Variants in TMEM39B observed in about 807,000 individuals in gnomAD.
The protein encoded by TMEM39B is transmembrane protein 39B.
A neutral mutation model predicts 52.2 loss-of-function variants in TMEM39B; 23 were observed. The ratio of observed to expected loss-of-function variants is 0.44; its 90% CI spans 0.32 to 0.62. The LOEUF (loss-of-function observed/expected upper bound fraction) is 0.62, where lower values mean the gene tolerates loss of function less well. Among genes scored for constraint, TMEM39B ranks in the 20% least tolerant of loss-of-function variants. The pLI is 0.06. For synonymous variants in TMEM39B, 285 were observed against 264.0 expected, an observed-to-expected ratio of 1.08 and a Z score of -0.77; for missense variants, 547 against 642.0, an observed-to-expected ratio of 0.85 and a Z score of 1.60.
At chr1:32,102,381 G>C (rs781293298) in intron 8 of TMEM39B, 50 bp from the exon 9 acceptor site, 1 of 1,580,508 alleles carries the variant, frequency 6.3e-7, no homozygotes, top group Non-Finnish European at 8.6e-7. Context: ...CATCCAGGAG[G>C]AAGATTTCTG....
chr1:32,075,626 C>T lies in TMEM39B; in HGVS notation c.155C>T (p.Ser52Phe). ...AGGAGCAGTTCTGGAACAGGCCTCT[C>T]CAGCCCTCCTCTGGCCACCCAAACT... ...RTRSSSGTGL[S>F]SPPLATQTVV... The change falls in exon 3 of 9, where the codon TCC becomes TTC. Residue 52 changes from serine (S) to phenylalanine (F), a missense_variant. Physicochemically the swap from Ser to Phe is radical, Grantham distance 155. Coordinates refer to ENST00000336294, the MANE Select transcript of TMEM39B (RefSeq NM_018056.4). 1.3e-6 allele frequency: 2 copies of T among 1,551,526 alleles called. No homozygotes were observed. Among genetic ancestry groups the T allele is most frequent in the Non-Finnish European group, 1.7e-6 (2 of 1,147,006 alleles).
intron 5 of TMEM39B, 134 bp from the exon 6 acceptor site, chr1:32,091,541 A>G (rs1175480580): frequency 1.0e-6 from 1 of 954,138 alleles, no homozygotes; most frequent in African/African-American, 1.7e-5. Context: ...GATGGATGGA[A>G]GGACTGGTAA....
intron 3 of TMEM39B, 44 bp from the exon 4 acceptor site, chr1:32,076,719 G>A (rs1639876863): frequency 1.3e-6 from 2 of 1,599,684 alleles, no homozygotes; most frequent in African/African-American, 1.3e-5. Context: ...GCCTGCATAT[G>A]GGCAAGGGGC....
At chr1:32,072,315 C>T (rs1639680605), upstream of TMEM39B, 1 of 152,184 alleles carries the variant, frequency 6.6e-6, no homozygotes, top group South Asian at 2.1e-4. Flanking sequence ...CTCAGTTCTG[C>T]ATGCTCTATT....
chr1:32,072,844 C>T, upstream of TMEM39B: 1 of 583,452 alleles, frequency 1.7e-6, no homozygotes, highest in South Asian at 2.1e-5. Flanking sequence ...AGCGCGCAGG[C>T]ACCGCCTCCG....
At chr1:32,072,789 T>C (rs1420197435), upstream of TMEM39B, 7 of 538,332 alleles carry the variant, frequency 1.3e-5, no homozygotes, top group Non-Finnish European at 9.8e-6. Flanking sequence ...CTTGAGTCTC[T>C]TCACCAGCAG....
Position 32,102,465 on chromosome 1 carries a change from T to C in TMEM39B, c.1271T>C (p.Ile424Thr), listed in dbSNP as rs1641052941. ...AGCAAACCCCTGCGGATCCTCAACA[T>C]CCTCCTGCTGCTGGAGGGCGCTGTC... ...FFSKPLRILNILLLLEGAVIV... is the reference protein window; with the variant it reads ...FFSKPLRILNTLLLLEGAVIV... The change falls in exon 9 of 9, where the codon ATC becomes ACC. Residue 424 changes from isoleucine to threonine, a missense_variant. Coordinates refer to ENST00000336294, the MANE Select transcript of TMEM39B (RefSeq NM_018056.4). 6.2e-7 allele frequency: 1 copy of C among 1,614,056 alleles called. No individual in the cohort carries two copies. Among genetic ancestry groups the C allele is most frequent in the East Asian group, 2.2e-5 (1 of 44,880 alleles).
intron 5 of TMEM39B, among the ~76,000 whole-genome samples, chr1:32,078,053 T>C (rs1345508435): frequency 6.6e-6 from 1 of 152,150 alleles, no homozygotes; most frequent in Admixed American, 6.6e-5. Context: ...GTTCACAAAA[T>C]TCCTCAAGCT....
In TMEM39B at chr1:32,094,891, C is replaced by T; in HGVS notation, c.1035C>T (p.Asp345=). The change falls in exon 7 of 9, where the codon GAC becomes GAT. Residue 345 remains aspartate (D), a synonymous_variant. Coordinates refer to ENST00000336294, the MANE Select transcript of TMEM39B (RefSeq NM_018056.4). Reference sequence around the variant, plus strand: ...ACCTGCTGCCTGCCAGCTACTGTGACCTGCTGCACAAGGCCGCCGCCCATC... The same window carrying T: ...ACCTGCTGCCTGCCAGCTACTGTGATCTGCTGCACAAGGCCGCCGCCCATC... The part of the protein sequence containing the change: ...MQHLLPASYC[D]LLHKAAAHLG... The T allele has an allele frequency of 6.2e-7, 1 of 1,614,166 alleles. No homozygotes were observed. The highest frequency in any genetic ancestry group is 8.5e-7 in the Non-Finnish European group (1 of 1,180,048).
At chr1:32,098,089 C>T (rs564142930) in intron 7 of TMEM39B, among the ~76,000 whole-genome samples, 9 of 151,980 alleles carry the variant, frequency 5.9e-5, no homozygotes, top group East Asian at 1.9e-4. Flanking sequence ...CTCCACCTTC[C>T]GGGTTCAAGC....
chr1:32,102,549 T>TG lies in TMEM39B; in HGVS notation c.1357dup (p.Ala453GlyfsTer30). On this transcript the variant is annotated frameshift_variant, in exon 9 of 9. Transcript: ENST00000336294. LOFTEE classifies it high-confidence loss of function. ...GAAAAGTGGCACCAGACCATCTCGC[T>TG]GGCCCTCATCCTCTTCAGCAACTAC... The TG allele has an allele frequency of 6.2e-7, 1 of 1,614,212 alleles. No homozygotes were observed. Among genetic ancestry groups the TG allele is most frequent in the Non-Finnish European group, 8.5e-7 (1 of 1,180,024 alleles).
intron 7 of TMEM39B, among the ~76,000 whole-genome samples, chr1:32,097,093 C>T (rs766767389): frequency 5.3e-5 from 8 of 152,142 alleles, no homozygotes; most frequent in African/African-American, 1.9e-4. Context: ...GCATGAGCCA[C>T]TGCACTTGGC....
At chr1:32,096,110 A>G (rs1165184591) in intron 7 of TMEM39B, among the ~76,000 whole-genome samples, 4 of 152,042 alleles carry the variant, frequency 2.6e-5, no homozygotes, top group Non-Finnish European at 4.4e-5. Context: ...AGCAAAGCAA[A>G]TCTCCTCAGG....
In TMEM39B at chr1:32,092,016, G is replaced by T; in HGVS notation, c.927+5G>T. The T allele has an allele frequency of 6.2e-7, 1 of 1,610,568 alleles. No individual in the cohort carries two copies. The highest frequency in any genetic ancestry group is 1.1e-5 in the South Asian group (1 of 90,748). On this transcript the variant is annotated splice_donor_5th_base_variant and intron_variant, in intron 6 of 8. Transcript: ENST00000336294. ...GTGCCTGTCTGGTTCGTGAAGGTGCGTACCTCAAGCCAGGGAGGGAAAGGG... is the reference window on the plus strand; with the variant it reads ...GTGCCTGTCTGGTTCGTGAAGGTGCTTACCTCAAGCCAGGGAGGGAAAGGG...
intron 5 of TMEM39B, among the ~76,000 whole-genome samples, chr1:32,091,179 C>A (rs554771053): frequency 6.6e-6 from 1 of 152,154 alleles, no homozygotes; most frequent in Non-Finnish European, 1.5e-5. Flanking sequence ...TGAGTCCCAC[C>A]CCCACCTGCC....
At chr1:32,084,542 TA>T (rs575775273) in intron 5 of TMEM39B, among the ~76,000 whole-genome samples, 36 of 152,248 alleles carry the variant, frequency 2.4e-4, no homozygotes, top group South Asian at 4.1e-4. Context: ...ACTTGATTGA[TA>T]GTTTGGCTGA....
intron 7 of TMEM39B, among the ~76,000 whole-genome samples, chr1:32,098,345 A>G (rs1640891089): frequency 1.3e-5 from 2 of 151,952 alleles, no homozygotes; most frequent in South Asian, 4.1e-4. Flanking sequence ...AGGCAAGAGC[A>G]TTGGGTTGAG....
rs1483893699 is a variant in TMEM39B at position 32,091,902 on chromosome 1, G to A, written c.818G>A (p.Ser273Asn). The change falls in exon 6 of 9, where the codon AGT (serine) becomes AAT (asparagine). Residue 273 changes from serine (S) to asparagine (N), a missense_variant. Coordinates refer to ENST00000336294, the MANE Select transcript of TMEM39B (RefSeq NM_018056.4). ...TGCCTGTCACCCAGCCTCATCCGCA[G>A]TGAGGTGGAGTTCCTCAAGATGGAC... ...ACCLSPSLIR[S>N]EVEFLKMDFN... 6.2e-7 allele frequency: 1 copy of A among 1,614,110 alleles called. No individual in the cohort carries two copies. The highest frequency in any genetic ancestry group is 1.3e-5 in the African/African-American group (1 of 74,952).
chr1:32,093,699 A>G (rs1265803994), intron 6 of TMEM39B, among the ~76,000 whole-genome samples: 1 of 152,078 alleles, frequency 6.6e-6, no homozygotes, highest in Non-Finnish European at 1.5e-5. Flanking sequence ...GGCGTAAGCC[A>G]CTGCGCCCGG....
Sources: allele counts gnomAD v4.1 joint callset (sites outside exome capture counted in the v4.1 genomes callset), GRCh38; gene constraint gnomAD v4.1.1; transcripts MANE v1.5; gene names NCBI Gene and HGNC (gene_info 2026-07-23, HGNC 2026-07-21).